The following TEKT5 variants were observed in gnomAD, a reference collection of about 807,000 sequenced individuals.
The protein encoded by TEKT5 is tektin-5.
Under a neutral mutation model 48.7 loss-of-function variants are expected in TEKT5, and 52 were observed. The ratio of observed to expected loss-of-function variants is 1.07; its 90% CI spans 0.86 to 1.35. The LOEUF (loss-of-function observed/expected upper bound fraction) is 1.35, where lower values mean the gene tolerates loss of function less well. Ranked by LOEUF, TEKT5 falls within the 40% of genes most tolerant of loss-of-function variation. The pLI is 0.00. For missense variants in TEKT5, 831 were observed against 641.6 expected (o/e 1.30, Z -3.19); for synonymous variants, 318 against 267.6 (o/e 1.19, Z -1.84).
chr16:10,665,550 C>G (rs1221940489), intron 5 of TEKT5, among the ~76,000 whole-genome samples: 1 of 152,204 alleles, frequency 6.6e-6, no homozygotes, highest in African/African-American at 2.4e-5. Context: ...CTCCCCAGCT[C>G]TGGACCTTGG....
chr16:10,685,622 C>G (rs1347349221), intron 3 of TEKT5, among the ~76,000 whole-genome samples: 2 of 151,990 alleles, frequency 1.3e-5, no homozygotes, highest in Non-Finnish European at 2.9e-5. Context: ...CCATATCTGT[C>G]TCTCTCCTTC....
chr16:10,689,908 T>C (rs1438224965), intron 2 of TEKT5, 34 bp downstream of exon 2: 1 of 1,610,994 alleles, frequency 6.2e-7, no homozygotes, highest in South Asian at 1.1e-5. Context: ...CCCGCCTCCT[T>C]CAGGGGGCTG....
intron 6 of TEKT5, among the ~76,000 whole-genome samples, chr16:10,632,649 AC>A (rs1567223509): frequency 6.6e-6 from 1 of 151,872 alleles, no homozygotes; most frequent in African/African-American, 2.4e-5. Context: ...CATGGATGGG[AC>A]CCTAGTGATT....
intron 4 of TEKT5, among the ~76,000 whole-genome samples, chr16:10,676,753 A>G (rs551937670): frequency 7.7e-4 from 118 of 152,380 alleles, no homozygotes; most frequent in African/African-American, 2.7e-3. Flanking sequence ...CGACATGCCA[A>G]GCATTGTTCC....
chr16:10,660,232 C>T (rs1051944460), intron 5 of TEKT5, among the ~76,000 whole-genome samples: 7 of 152,124 alleles, frequency 4.6e-5, no homozygotes, highest in Non-Finnish European at 8.8e-5. Context: ...ACGGGGGTTG[C>T]CTGTGTAATA....
Position 10,629,868 on chromosome 16 carries a change from G to A in TEKT5, c.1242-2069C>T, listed in dbSNP as rs145039091. ...TTGCAGGATCAGCTGGGACTGGGCT[G>A]CCCCGTACTACTTCCTCACCCCTCT... On this transcript the variant is annotated intron_variant, in intron 6 of 6. Transcript: ENST00000283025. Among the ~76,000 whole-genome samples the A allele has an allele frequency of 1.9e-3, 283 of 152,330 alleles. 1 individual carries two copies. Among genetic ancestry groups the A allele is most frequent in the African/African-American group, 6.3e-3 (261 of 41,570 alleles).
intron 5 of TEKT5, among the ~76,000 whole-genome samples, chr16:10,674,617 G>GAAAAAAAAAAA (rs57583870): frequency 2.7e-5 from 2 of 74,746 alleles, no homozygotes; most frequent in East Asian, 3.7e-4. Context: ...GATCATCTCA[G>GAAAAAAAAAAA]AAAAAAAAAA....
At chr16:10,630,207 TAC>T (rs1897818041) in intron 6 of TEKT5, among the ~76,000 whole-genome samples, 1 of 152,048 alleles carries the variant, frequency 6.6e-6, no homozygotes, top group Non-Finnish European at 1.5e-5. Context: ...ATGCTGAGAT[TAC>T]AGGCATGAGC....
chr16:10,644,609 A>G (rs1301769421), intron 5 of TEKT5, among the ~76,000 whole-genome samples: 2 of 152,112 alleles, frequency 1.3e-5, no homozygotes, highest in Non-Finnish European at 2.9e-5. Flanking sequence ...GTCTGCATGA[A>G]TCAGTTTGTC....
At chr16:10,693,711 A>AC (rs1187205559) in intron 1 of TEKT5, among the ~76,000 whole-genome samples, 1 of 152,234 alleles carries the variant, frequency 6.6e-6, no homozygotes, top group Non-Finnish European at 1.5e-5. Context: ...GGCCAGGCAC[A>AC]GTGGCCCATG....
chr16:10,642,712 C>T (rs1321351509), intron 5 of TEKT5, among the ~76,000 whole-genome samples: 2 of 152,086 alleles, frequency 1.3e-5, no homozygotes, highest in East Asian at 1.9e-4. Context: ...TTCAATATTC[C>T]ACCTTAGAAG....
intron 6 of TEKT5, among the ~76,000 whole-genome samples, chr16:10,629,772 CT>C (rs35651303): frequency 0.9 from 136,956 of 152,136 alleles, 61,704 homozygotes; most frequent in Admixed American, 0.92. Flanking sequence ...CAGACAATGG[CT>C]TGGCTGACTC....
intron 5 of TEKT5, among the ~76,000 whole-genome samples, chr16:10,645,141 G>A (rs930503564): frequency 3.3e-5 from 5 of 152,144 alleles, no homozygotes; most frequent in Non-Finnish European, 1.5e-5. Context: ...GCCTATGGTG[G>A]TACTTGGTTA....
chr16:10,666,880 G>C (rs2719683), intron 5 of TEKT5, among the ~76,000 whole-genome samples: 51,895 of 151,874 alleles, frequency 0.34, 10,049 homozygotes, highest in East Asian at 0.54. Flanking sequence ...TGGCACAGTT[G>C]CCCATATGAA....
At chr16:10,681,864 A>G in intron 4 of TEKT5, 129 bp downstream of exon 4, 1 of 1,248,524 alleles carries the variant, frequency 8.0e-7, no homozygotes, top group Non-Finnish European at 1.1e-6. Flanking sequence ...GCGCTAGAGG[A>G]TCCCCGTTCA....
chr16:10,666,972 T>G (rs574271282), intron 5 of TEKT5, among the ~76,000 whole-genome samples: 221 of 127,476 alleles, frequency 1.7e-3, no homozygotes, highest in African/African-American at 6.9e-3. Flanking sequence ...TAACACTGGC[T>G]CCTTACTTTT....
intron 5 of TEKT5, among the ~76,000 whole-genome samples, chr16:10,642,094 C>T (rs1898002481): frequency 6.6e-6 from 1 of 152,234 alleles, no homozygotes; most frequent in Admixed American, 6.5e-5. Flanking sequence ...TGTGCCGTGC[C>T]CCTGGCCAAA....
chr16:10,679,693 G>C (rs1338000539), intron 4 of TEKT5, among the ~76,000 whole-genome samples: 3 of 151,998 alleles, frequency 2.0e-5, no homozygotes, highest in Non-Finnish European at 4.4e-5. Flanking sequence ...TCAGGAGTTT[G>C]AGACCAGCCT....
At chr16:10,647,428 C>T (rs987070555) in intron 5 of TEKT5, among the ~76,000 whole-genome samples, 4 of 150,574 alleles carry the variant, frequency 2.7e-5, no homozygotes, top group South Asian at 2.1e-4. Context: ...GCTGTGATGA[C>T]GCCACTGCAC....
Sources: gnomAD v4.1 joint callset for allele counts (sites outside exome capture counted in the v4.1 genomes callset) on GRCh38, gnomAD v4.1.1 for gene constraint, MANE v1.5 for transcripts, NCBI Gene and HGNC (gene_info 2026-07-23, HGNC 2026-07-21) for gene names.